ULK4: variants seen among roughly 807,000 people sequenced by gnomAD.
ULK4 encodes the protein inactive serine/threonine-protein kinase ULK4.
ULK4 carries 133 observed loss-of-function variants against 160.6 expected under a neutral mutation model. That is an observed-to-expected ratio of 0.83 (90% CI 0.72 to 0.96). ULK4 has a LOEUF of 0.96. ULK4 is among the 40% of genes least tolerant of loss of function. The pLI, the probability that ULK4 is intolerant of heterozygous loss-of-function variation, is 0.00. For synonymous variants in ULK4, 534 were observed against 539.8 expected (o/e 0.99, Z 0.15); for missense variants, 1,580 against 1,499.5 (o/e 1.05, Z -0.89).
chr3:41,638,125 G>A (rs904790384), intron 30 of ULK4, among the ~76,000 whole-genome samples: 5 of 152,218 alleles, frequency 3.3e-5, no homozygotes, highest in East Asian at 1.9e-4. Context: ...AGTGGTGTAC[G>A]AAAGTACATA....
chr3:41,932,656 A>C (rs1485366603), intron 4 of ULK4, among the ~76,000 whole-genome samples: 1 of 152,246 alleles, frequency 6.6e-6, no homozygotes, highest in Non-Finnish European at 1.5e-5. Context: ...TGTTGAAAAC[A>C]TGCCAGTAAC....
At chr3:41,641,749 C>A (rs561278820) in intron 30 of ULK4, among the ~76,000 whole-genome samples, 3 of 150,362 alleles carry the variant, frequency 2.0e-5, no homozygotes, top group African/African-American at 4.9e-5. Context: ...CATGCTTAAA[C>A]GATTTATGAG....
chr3:41,402,901 A>G (rs2082212363), intron 34 of ULK4, among the ~76,000 whole-genome samples: 1 of 152,200 alleles, frequency 6.6e-6, no homozygotes, highest in Non-Finnish European at 1.5e-5. Context: ...CTGTAATCCC[A>G]GCACTTTGAG....
intron 32 of ULK4, among the ~76,000 whole-genome samples, chr3:41,526,182 TTCG>T (rs139073883): frequency 0.42 from 63,955 of 151,898 alleles, 14,920 homozygotes; most frequent in Non-Finnish European, 0.52. Flanking sequence ...CTATGTATGA[TTCG>T]TCTTCTTTTT....
chr3:41,504,030 AAG>A (rs776177592), intron 32 of ULK4, among the ~76,000 whole-genome samples: 39 of 152,320 alleles, frequency 2.6e-4, no homozygotes, highest in Non-Finnish European at 4.6e-4. Context: ...TCCCCATAGA[AAG>A]AGAGAAATAT....
At chr3:41,470,039 A>AAAAAAAAAAAAAAAAT in intron 32 of ULK4, among the ~76,000 whole-genome samples, 1 of 149,160 alleles carries the variant, frequency 6.7e-6, no homozygotes, top group African/African-American at 2.5e-5. Context: ...AAAAAAAAAA[A>AAAAAAAAAAAAAAAAT]AAAAAAACAA....
intron 35 of ULK4, among the ~76,000 whole-genome samples, chr3:41,389,283 A>C (rs7626144): frequency 6.6e-6 from 1 of 151,932 alleles, no homozygotes; most frequent in African/African-American, 2.4e-5. Flanking sequence ...TGAGACGATG[A>C]GGTTTTCTAG....
chr3:41,787,553 T>G (rs9866202), intron 21 of ULK4, among the ~76,000 whole-genome samples: 8,656 of 152,206 alleles, frequency 0.057, 430 homozygotes, highest in East Asian at 0.17. Context: ...GAGGGGACTC[T>G]AAAATAGAAG....
intron 3 of ULK4, among the ~76,000 whole-genome samples, chr3:41,937,603 T>C (rs912627207): frequency 2.0e-5 from 3 of 151,824 alleles, no homozygotes; most frequent in Non-Finnish European, 2.9e-5. Context: ...CCAGATAATA[T>C]GTATTTAGTC....
chr3:41,336,049 C>A (rs1410429346), intron 35 of ULK4, among the ~76,000 whole-genome samples: 3 of 152,108 alleles, frequency 2.0e-5, no homozygotes, highest in Non-Finnish European at 4.4e-5. Context: ...CAGCTGAATG[C>A]CTATGTGATC....
intron 32 of ULK4, among the ~76,000 whole-genome samples, chr3:41,528,111 T>C (rs76242720): frequency 0.028 from 4,296 of 152,298 alleles, 181 homozygotes; most frequent in African/African-American, 0.093. Flanking sequence ...ATCTCTACAT[T>C]TTTTGTTTTA....
At chr3:41,867,514 G>A (rs1291117121) in intron 17 of ULK4, among the ~76,000 whole-genome samples, 1 of 152,182 alleles carries the variant, frequency 6.6e-6, no homozygotes, top group Non-Finnish European at 1.5e-5. Context: ...TGGGATTACC[G>A]GTGTGTACCA....
At chr3:41,364,604 G>A (rs1315168025) in intron 35 of ULK4, among the ~76,000 whole-genome samples, 1 of 152,012 alleles carries the variant, frequency 6.6e-6, no homozygotes, top group Non-Finnish European at 1.5e-5. Flanking sequence ...AGAGGCAAGA[G>A]ACCATAAACA....
At chr3:41,350,186 CCTTA>C (rs2080881738) in intron 35 of ULK4, among the ~76,000 whole-genome samples, 1 of 152,084 alleles carries the variant, frequency 6.6e-6, no homozygotes, top group South Asian at 2.1e-4. Context: ...CTTATAAAAT[CCTTA>C]CTTAACTGTC....
intron 32 of ULK4, among the ~76,000 whole-genome samples, chr3:41,495,561 G>A (rs1312209872): frequency 5.0e-4 from 75 of 150,902 alleles, no homozygotes; most frequent in African/African-American, 1.7e-3. Context: ...TGGCAACAAA[G>A]GACAAAATTG....
intron 32 of ULK4, among the ~76,000 whole-genome samples, chr3:41,506,767 A>AAAAAAAAAAAAAAAAAATATATATAT: frequency 7.0e-5 from 4 of 56,794 alleles, no homozygotes; most frequent in Non-Finnish European, 9.4e-5. Flanking sequence ...TGTGATTTAA[A>AAAAAAAAAAAAAAAAAATATATATAT]ATATATATAT....
intron 34 of ULK4, among the ~76,000 whole-genome samples, chr3:41,399,290 T>C (rs991415417): frequency 2.0e-5 from 3 of 152,186 alleles, no homozygotes; most frequent in Non-Finnish European, 2.9e-5. Flanking sequence ...GATTGGCCAT[T>C]TGCGTATCTT....
intron 32 of ULK4, among the ~76,000 whole-genome samples, chr3:41,537,409 G>A (rs2086541573): frequency 6.6e-6 from 1 of 152,040 alleles, no homozygotes; most frequent in Admixed American, 6.5e-5. Context: ...TTCTTCCATA[G>A]AAAAACCATT....
chr3:41,902,544 C>T (rs918332276), intron 12 of ULK4, among the ~76,000 whole-genome samples: 4 of 138,542 alleles, frequency 2.9e-5, no homozygotes, highest in Non-Finnish European at 4.5e-5. Flanking sequence ...CGCCATCGCA[C>T]ACCAGCCTAG....
Sources: gnomAD v4.1 joint callset for allele counts (sites outside exome capture counted in the v4.1 genomes callset) on GRCh38, gnomAD v4.1.1 for gene constraint, MANE v1.5 for transcripts, NCBI Gene and HGNC (gene_info 2026-07-23, HGNC 2026-07-21) for gene names.